The following NFKB1 variants were observed in gnomAD, a reference collection of about 807,000 sequenced individuals.
NFKB1 encodes nuclear factor NF-kappa-B p105 subunit.
A neutral mutation model predicts 105.1 loss-of-function variants in NFKB1; 9 were observed. The observed-to-expected ratio is 0.09, with a 90% CI of 0.05 to 0.15. The LOEUF (loss-of-function observed/expected upper bound fraction) is 0.15, where lower values mean the gene tolerates loss of function less well. NFKB1 is among the 10% of genes least tolerant of loss of function. The pLI, the probability that NFKB1 is intolerant of heterozygous loss-of-function variation, is 1.00. For missense variants in NFKB1, 830 were observed against 1,203.7 expected (o/e 0.69, Z 4.59); for synonymous variants, 440 against 442.2 (o/e 1.00, Z 0.06).
chr4:102,570,787 G>C (rs1370492606), intron 6 of NFKB1, among the ~76,000 whole-genome samples: 1 of 152,120 alleles, frequency 6.6e-6, no homozygotes. Flanking sequence ...GGATGTGAAG[G>C]ACCTCTTCAA....
chr4:102,598,345 T>C (rs1726817813), intron 15 of NFKB1, among the ~76,000 whole-genome samples: 1 of 152,186 alleles, frequency 6.6e-6, no homozygotes, highest in South Asian at 2.1e-4. Flanking sequence ...CCTATAAAAA[T>C]AACAAGAGAC....
At chr4:102,566,870 A>G in intron 5 of NFKB1, 117 bp from the exon 6 acceptor site, 1 of 973,324 alleles carries the variant, frequency 1.0e-6, no homozygotes, top group Admixed American at 2.2e-5. Flanking sequence ...AATCATGTAT[A>G]TACATATATG....
chr4:102,549,900 G>T (rs1464360204), intron 5 of NFKB1, among the ~76,000 whole-genome samples: 1 of 152,040 alleles, frequency 6.6e-6, no homozygotes, highest in Non-Finnish European at 1.5e-5. Context: ...CTCCAATGCT[G>T]CCACCCTGGT....
chr4:102,569,555 A>G (rs1724150037), intron 6 of NFKB1, among the ~76,000 whole-genome samples: 1 of 152,142 alleles, frequency 6.6e-6, no homozygotes, highest in South Asian at 2.1e-4. Flanking sequence ...CTAGAAATGA[A>G]GCTAAGATAA....
chr4:102,593,107 T>C lies in NFKB1; in HGVS notation c.1067-318T>C, dbSNP rs1375735542. ...CCAAGCAAAAGGGTCAATAATTTTT[T>C]AATTCAGCATCTTCAGGATCTTTTT... is the stretch of plus-strand genomic sequence containing the variant. On this transcript the variant is annotated intron_variant, in intron 11 of 23. Transcript: ENST00000226574. 4.0e-5 allele frequency: 7 copies of C among 175,114 alleles called. No homozygotes were observed. The East Asian group carries it at 7.5e-4, about 19-fold the overall frequency. 10.8% of individuals were successfully genotyped at this position (175,114 alleles called of 1,614,324 possible).
rs772938879 is a variant in NFKB1 at position 102,597,469 on chromosome 4, A to C, written c.1496-51A>C. 5 of 1,558,594 alleles carry C rather than the reference A, an allele frequency of 3.2e-6. No individual in the cohort carries two copies. The African/African-American group carries it at 5.4e-5, about 17-fold the overall frequency. On this transcript the variant is annotated intron_variant, in intron 14 of 23. Transcript: ENST00000226574. ...GTTTGTCCTTAAGCATGCCATACCC[A>C]TAAAACAAAAGTAGGAACACTCAAC...
chr4:102,562,709 A>G lies in NFKB1; in HGVS notation c.259-4278A>G, dbSNP rs111307916. On this transcript the variant is annotated intron_variant, in intron 5 of 23. Coordinates refer to ENST00000226574, the MANE Select transcript of NFKB1 (RefSeq NM_003998.4). ...ATGTTAACCATCTTTCCCCGTTGAC[A>G]CAGCTAAGTGGTAACAGTCGGTCTT... 3.5e-3 allele frequency among the ~76,000 whole-genome samples: 536 copies of G among 152,304 alleles called. 4 individuals carry two copies. Among genetic ancestry groups the G allele is most frequent in the African/African-American group, 0.012 (514 of 41,564 alleles).
intron 5 of NFKB1, among the ~76,000 whole-genome samples, chr4:102,555,898 G>A (rs897017013): frequency 6.6e-6 from 1 of 152,186 alleles, no homozygotes; most frequent in African/African-American, 2.4e-5. Context: ...TACAAATCTG[G>A]TAGCAATCTG....
At chr4:102,574,561 C>G (rs77650870) in intron 6 of NFKB1, among the ~76,000 whole-genome samples, 1 of 152,208 alleles carries the variant, frequency 6.6e-6, no homozygotes, top group East Asian at 1.9e-4. Context: ...ACTGTGTCTC[C>G]TCAACCTCAG....
chr4:102,584,433 G>T (rs1328809265), intron 10 of NFKB1, among the ~76,000 whole-genome samples: 1 of 152,160 alleles, frequency 6.6e-6, no homozygotes, highest in Non-Finnish European at 1.5e-5. Flanking sequence ...ATAGACAAAT[G>T]AAATAATAAA....
rs1729005270 is a variant in NFKB1 at position 102,617,081 on chromosome 4, GTTAT to G, written c.*490_*493del. 1.1e-5 allele frequency: 1 copy of G among 90,166 alleles called. No individual in the cohort carries two copies. Among genetic ancestry groups the G allele is most frequent in the African/African-American group, 4.4e-5 (1 of 22,850 alleles). 5.6% of individuals were successfully genotyped at this position (90,166 alleles called of 1,614,324 possible). ...AAGGCATATTGCTTTTTCTAATGTG[GTTAT>G]TTCTCTGATTTGCAAAAAAAAAAAA... On this transcript the variant is annotated 3_prime_UTR_variant, in exon 24 of 24. Coordinates refer to ENST00000226574, the MANE Select transcript of NFKB1 (RefSeq NM_003998.4).
At chr4:102,518,246 A>G (rs557262375) in intron 1 of NFKB1, among the ~76,000 whole-genome samples, 1 of 152,322 alleles carries the variant, frequency 6.6e-6, no homozygotes, top group Admixed American at 6.5e-5. Flanking sequence ...TAAAACATTA[A>G]CTTGTTTTAA....
chr4:102,529,620 C>G (rs570763046), intron 2 of NFKB1, among the ~76,000 whole-genome samples: 1 of 152,258 alleles, frequency 6.6e-6, no homozygotes, highest in African/African-American at 2.4e-5. Context: ...CCCTTTGTTA[C>G]GTAAACGTTG....
intron 9 of NFKB1, 44 bp from the exon 10 acceptor site, chr4:102,582,822 T>A: frequency 7.8e-7 from 1 of 1,289,516 alleles, no homozygotes; most frequent in Non-Finnish European, 1.1e-6. Context: ...ATAAATACTA[T>A]TTACACTATG....
In NFKB1 at chr4:102,582,857, T is replaced by G. The variant is rs1312018559; in HGVS notation, c.836-9T>G. On this transcript the variant is annotated splice_polypyrimidine_tract_variant and intron_variant, in intron 9 of 23. Coordinates refer to ENST00000226574, the MANE Select transcript of NFKB1 (RefSeq NM_003998.4). ...GTGAAATTACACACTTCAATGTGAT[T>G]GTTTGCAGATGACATCCAGATTCGA... 6.3e-7 allele frequency: 1 copy of G among 1,588,110 alleles called. No individual in the cohort carries two copies. Among genetic ancestry groups the G allele is most frequent in the Non-Finnish European group, 8.6e-7 (1 of 1,157,090 alleles).
chr4:102,551,072 GA>G (rs1223853840), intron 5 of NFKB1, among the ~76,000 whole-genome samples: 1 of 152,250 alleles, frequency 6.6e-6, no homozygotes, highest in East Asian at 1.9e-4. Context: ...TCAGACACCC[GA>G]ATCCATCTAA....
At chr4:102,533,988 T>G in intron 4 of NFKB1, 103 bp downstream of exon 4, 2 of 966,982 alleles carry the variant, frequency 2.1e-6, no homozygotes, top group Non-Finnish European at 3.1e-6. Context: ...GGAAGTAGTT[T>G]ATCTGAAAGA....
intron 5 of NFKB1, among the ~76,000 whole-genome samples, chr4:102,545,270 C>G (rs1362437085): frequency 6.6e-6 from 1 of 152,084 alleles, no homozygotes; most frequent in Non-Finnish European, 1.5e-5. Context: ...AAGAAGCCTC[C>G]AGACTACCTT....
chr4:102,550,725 A>G (rs73834805), intron 5 of NFKB1, among the ~76,000 whole-genome samples: 1 of 152,206 alleles, frequency 6.6e-6, no homozygotes, highest in Non-Finnish European at 1.5e-5. Context: ...TTTTGACCAA[A>G]TGTATTCAAC....
Sources: gnomAD v4.1 joint callset for allele counts (sites outside exome capture counted in the v4.1 genomes callset) on GRCh38, gnomAD v4.1.1 for gene constraint, MANE v1.5 for transcripts, NCBI Gene and HGNC (gene_info 2026-07-23, HGNC 2026-07-21) for gene names.